ZNF727: variants seen among roughly 807,000 people sequenced by gnomAD.
ZNF727 encodes zinc finger protein 727.
ZNF727 carries 11 observed loss-of-function variants against 11.5 expected under a neutral mutation model. That is an observed-to-expected ratio of 0.95 (90% CI 0.60 to 1.58). ZNF727 has a LOEUF of 1.58. Among genes scored for constraint, ZNF727 ranks in the 40% most tolerant of loss-of-function variants. The pLI is 0.00. For synonymous variants in ZNF727, 171 were observed against 196.1 expected (o/e 0.87, Z 1.07); for missense variants, 533 against 581.7 (o/e 0.92, Z 0.86).
At chr7:64,075,089 G>T (rs1054040635) in intron 3 of ZNF727, among the ~76,000 whole-genome samples, 5 of 151,822 alleles carry the variant, frequency 3.3e-5, no homozygotes, top group African/African-American at 1.2e-4. Context: ...TAAAATCTTT[G>T]ATTTATATGT....
chr7:64,058,601 C>A (rs569147330), intron 1 of ZNF727, among the ~76,000 whole-genome samples: 1 of 152,156 alleles, frequency 6.6e-6, no homozygotes, highest in Admixed American at 6.5e-5. Context: ...GAGCCTAACC[C>A]TTTCTGAGCC....
intron 1 of ZNF727, among the ~76,000 whole-genome samples, chr7:64,057,750 A>T (rs1309979735): frequency 6.6e-6 from 1 of 152,138 alleles, no homozygotes. Flanking sequence ...AATACCTAAA[A>T]GCAGGGGTAT....
In ZNF727 at chr7:64,045,550, C is replaced by T; in HGVS notation, c.-72C>T. On this transcript the variant is annotated 5_prime_UTR_variant, in exon 1 of 4. Coordinates refer to ENST00000456806, the MANE Select transcript of ZNF727 (RefSeq NM_001159522.3). ...AGCTCCTCGGTGACTCCACCATAGCCCCTGTTATCCTGTGACCTGCAGGTA... is the reference window on the plus strand; with the variant it reads ...AGCTCCTCGGTGACTCCACCATAGCTCCTGTTATCCTGTGACCTGCAGGTA... 3.2e-6 allele frequency: 5 copies of T among 1,546,542 alleles called. No homozygotes were observed. Among genetic ancestry groups the T allele is most frequent in the Non-Finnish European group, 4.4e-6 (5 of 1,142,232 alleles).
At position 64,079,043 on chromosome 7, in the gene ZNF727, A is replaced by G. The variant is rs560375500; in HGVS notation, c.*494A>G. On this transcript the variant is annotated 3_prime_UTR_variant, in exon 4 of 4. Coordinates refer to ENST00000456806, the MANE Select transcript of ZNF727 (RefSeq NM_001159522.3). ...CTACTCCTCAATCCTTATTAACCACAAGAGAATTCATATGGAAGAGGGACC... is the reference window on the plus strand; with the variant it reads ...CTACTCCTCAATCCTTATTAACCACGAGAGAATTCATATGGAAGAGGGACC... Among the ~76,000 whole-genome samples, 2 of 152,264 alleles carry G rather than the reference A, an allele frequency of 1.3e-5. No homozygotes were observed. Among genetic ancestry groups the G allele is most frequent in the South Asian group, 4.1e-4 (2 of 4,822 alleles).
At chr7:64,046,700 G>T (rs1362278122) in intron 1 of ZNF727, among the ~76,000 whole-genome samples, 4 of 152,180 alleles carry the variant, frequency 2.6e-5, no homozygotes, top group African/African-American at 4.8e-5. Flanking sequence ...AAATTACCCA[G>T]TCTGAGGCAT....
intron 1 of ZNF727, among the ~76,000 whole-genome samples, chr7:64,065,035 G>A (rs1463887966): frequency 6.6e-6 from 1 of 152,082 alleles, no homozygotes; most frequent in East Asian, 1.9e-4. Context: ...TTGGTTCTTA[G>A]GAAGATGCTT....
intron 3 of ZNF727, among the ~76,000 whole-genome samples, chr7:64,076,517 A>G (rs1406959207): frequency 6.6e-6 from 1 of 152,096 alleles, no homozygotes. Context: ...AGGCAGGAGA[A>G]TTGCCTGAAC....
Position 64,078,153 on chromosome 7 carries a change from C to T in ZNF727, c.1104C>T (p.Tyr368=), listed in dbSNP as rs1324794733. Residue 368 remains tyrosine (Y), a synonymous_variant, in exon 4 of 4, where the codon TAC becomes TAT. Coordinates refer to ENST00000456806, the MANE Select transcript of ZNF727 (RefSeq NM_001159522.3). ...HKRIHMELRP[Y]KCEECGKTFK... ...GAATTCATATGGAATTGAGACCTTA[C>T]AAATGTGAAGAATGTGGCAAAACCT... The T allele has an allele frequency of 2.5e-6, 4 of 1,597,670 alleles. No individual in the cohort carries two copies. The South Asian group carries it at 4.5e-5, about 18-fold the overall frequency.
Position 64,077,410 on chromosome 7 carries a change from G to A in ZNF727, c.361G>A (p.Gly121Ser). The A allele has an allele frequency of 1.3e-6, 2 of 1,551,858 alleles. No individual in the cohort carries two copies. The highest frequency in any genetic ancestry group is 1.7e-6 in the Non-Finnish European group (2 of 1,147,020). ...TTTAAAGAAAGACTACCAACGTGTGGGTAATTGCAAGGGGCAGAAAAGCAG... is the reference window on the plus strand; with the variant it reads ...TTTAAAGAAAGACTACCAACGTGTGAGTAATTGCAAGGGGCAGAAAAGCAG... Reference protein sequence around the residue: ...LRLKKDYQRVGNCKGQKSSYN... With the variant: ...LRLKKDYQRVSNCKGQKSSYN... Residue 121 changes from glycine (G) to serine (S), a missense_variant, in exon 4 of 4, where the codon GGT becomes AGT. By Grantham distance (56) the Gly-to-Ser change is moderately conservative. Around this residue, in one of 3 missense-constraint regions of ZNF727, gnomAD observed 463 missense variants for 494.5 expected, o/e 0.94. Transcript: ENST00000456806.
intron 1 of ZNF727, among the ~76,000 whole-genome samples, chr7:64,059,206 G>A (rs1415813520): frequency 6.6e-6 from 1 of 152,216 alleles, no homozygotes; most frequent in East Asian, 1.9e-4. Flanking sequence ...GTCTCCCAAA[G>A]TGCTGGGATT....
intron 1 of ZNF727, among the ~76,000 whole-genome samples, chr7:64,056,218 A>G (rs765577190): frequency 6.9e-4 from 105 of 152,168 alleles, no homozygotes; most frequent in Non-Finnish European, 5.6e-4. Context: ...TGCTAGGTAT[A>G]TTGATATCAT....
chr7:64,074,104 C>A (rs576281947), intron 3 of ZNF727, among the ~76,000 whole-genome samples: 3 of 152,214 alleles, frequency 2.0e-5, no homozygotes, highest in Admixed American at 2.0e-4. Flanking sequence ...TGGTTACCTT[C>A]TGCATCATAG....
At chr7:64,047,970 A>G (rs1283972824) in intron 1 of ZNF727, among the ~76,000 whole-genome samples, 1 of 152,210 alleles carries the variant, frequency 6.6e-6, no homozygotes, top group East Asian at 1.9e-4. Flanking sequence ...ACAGGGGGCA[A>G]GTGCAGTGTC....
At chr7:64,063,380 G>A (rs1789807079) in intron 1 of ZNF727, among the ~76,000 whole-genome samples, 1 of 152,156 alleles carries the variant, frequency 6.6e-6, no homozygotes, top group African/African-American at 2.4e-5. Flanking sequence ...CAGACTTGTA[G>A]AGGTACCACT....
At position 64,080,350 on chromosome 7, in the gene ZNF727, C is replaced by T. The variant is rs1386872715; in HGVS notation, c.*1801C>T. ...TTTCTTGGAGGTTTTGTTCATTCCT[C>T]TTTATACTTTTTTCACTATTCTTGT... On this transcript the variant is annotated 3_prime_UTR_variant, in exon 4 of 4. Coordinates refer to ENST00000456806, the MANE Select transcript of ZNF727 (RefSeq NM_001159522.3). Among the ~76,000 whole-genome samples the T allele has an allele frequency of 1.3e-5, 2 of 152,114 alleles. No individual in the cohort carries two copies. The highest frequency in any genetic ancestry group is 4.8e-5 in the African/African-American group (2 of 41,432).
chr7:64,085,251 C>G lies in ZNF727; in HGVS notation c.*6702C>G, dbSNP rs1476269672. The stretch of plus-strand genomic sequence containing the variant: ...TACATTTTGTTTCAATTAGAGAATG[C>G]TATTTAATCCAATTTTCATTTAGTT... On this transcript the variant is annotated 3_prime_UTR_variant, in exon 4 of 4. Transcript: ENST00000456806. 1.3e-5 allele frequency among the ~76,000 whole-genome samples: 2 copies of G among 151,996 alleles called. No individual in the cohort carries two copies. The highest frequency in any genetic ancestry group is 1.5e-5 in the Non-Finnish European group (1 of 67,984).
chr7:64,060,845 A>G (rs764517466), intron 1 of ZNF727, among the ~76,000 whole-genome samples: 2 of 151,768 alleles, frequency 1.3e-5, no homozygotes, highest in Non-Finnish European at 1.5e-5. Context: ...AAACCTTCTT[A>G]GTACTTCTTT....
intron 1 of ZNF727, among the ~76,000 whole-genome samples, chr7:64,065,947 G>C (rs1789858776): frequency 6.6e-6 from 1 of 152,152 alleles, no homozygotes; most frequent in Non-Finnish European, 1.5e-5. Flanking sequence ...CAAGATTCCT[G>C]TTTGAGATTG....
At chr7:64,050,581 G>C (rs926179746) in intron 1 of ZNF727, among the ~76,000 whole-genome samples, 1 of 152,190 alleles carries the variant, frequency 6.6e-6, no homozygotes, top group African/African-American at 2.4e-5. Flanking sequence ...GAGACAGTTT[G>C]AGATTTTGTT....
Sources: allele counts gnomAD v4.1 joint callset (sites outside exome capture counted in the v4.1 genomes callset), GRCh38; gene constraint gnomAD v4.1.1; regional missense constraint gnomAD v4.1.1; transcripts MANE v1.5; gene names NCBI Gene and HGNC (gene_info 2026-07-23, HGNC 2026-07-21).